Variants in TENM3 observed in about 807,000 individuals in gnomAD.
TENM3 encodes teneurin transmembrane protein 3.
TENM3 carries 63 observed loss-of-function variants against 255.1 expected under a neutral mutation model. The ratio of observed to expected loss-of-function variants is 0.25; its 90% CI spans 0.20 to 0.30. The LOEUF (loss-of-function observed/expected upper bound fraction) is 0.30, where lower values mean the gene tolerates loss of function less well. Among genes scored for constraint, TENM3 ranks in the 10% least tolerant of loss-of-function variants. The pLI, the probability that TENM3 is intolerant of heterozygous loss-of-function variation, is 1.00. For missense variants in TENM3, 2,929 were observed against 3,461.1 expected, an observed-to-expected ratio of 0.85 and a Z score of 3.86; for synonymous variants, 1,306 against 1,322.3, an observed-to-expected ratio of 0.99 and a Z score of 0.27.
chr4:181,749,503 G>A, the TENM3 span, among the ~76,000 whole-genome samples: 1 of 152,058 alleles, frequency 6.6e-6, no homozygotes, highest in East Asian at 1.9e-4. Flanking sequence ...ACTCATTTCT[G>A]CCCATTCAAA....
intron 3 of TENM3, among the ~76,000 whole-genome samples, chr4:182,388,578 C>T (rs1440971605): frequency 6.6e-6 from 1 of 152,156 alleles, no homozygotes; most frequent in African/African-American, 2.4e-5. Context: ...GTTCTCTCAC[C>T]AAGTCAAAAA....
chr4:181,834,330 TC>T, the TENM3 span, among the ~76,000 whole-genome samples: 1 of 152,182 alleles, frequency 6.6e-6, no homozygotes, highest in African/African-American at 2.4e-5. Flanking sequence ...TTCAACTAAA[TC>T]TGTAAGGAAG....
the TENM3 span, among the ~76,000 whole-genome samples, chr4:181,530,726 T>C: frequency 6.6e-3 from 1,011 of 152,332 alleles, 14 homozygotes; most frequent in African/African-American, 0.023. Flanking sequence ...TAATCTTTAA[T>C]GGATGTTGAT....
chr4:182,199,519 T>C (rs2149820785), intron 1 of TENM3, among the ~76,000 whole-genome samples: 1 of 152,240 alleles, frequency 6.6e-6, no homozygotes, highest in East Asian at 1.9e-4. Context: ...AAGATTAAAC[T>C]CGCCCAGATA....
At chr4:182,326,446 C>A (rs1390930523) in intron 2 of TENM3, among the ~76,000 whole-genome samples, 1 of 152,176 alleles carries the variant, frequency 6.6e-6, no homozygotes, top group Non-Finnish European at 1.5e-5. Context: ...CTTCTAATCT[C>A]TGTGCAGTTG....
At chr4:181,891,359 A>G in the TENM3 span, among the ~76,000 whole-genome samples, 2 of 152,192 alleles carry the variant, frequency 1.3e-5, no homozygotes, top group African/African-American at 4.8e-5. Flanking sequence ...AACCCAGTTA[A>G]TCTAATATTT....
At chr4:182,464,350 G>A (rs368054696) in intron 3 of TENM3, among the ~76,000 whole-genome samples, 4 of 152,038 alleles carry the variant, frequency 2.6e-5, no homozygotes, top group Non-Finnish European at 5.9e-5. Flanking sequence ...TCCGCCTCCC[G>A]GGTTCAAGTG....
intron 6 of TENM3, among the ~76,000 whole-genome samples, chr4:182,670,167 CT>C (rs1196157052): frequency 6.6e-6 from 1 of 152,048 alleles, no homozygotes; most frequent in Non-Finnish European, 1.5e-5. Flanking sequence ...TCTAATTTTG[CT>C]GAAATGAACA....
chr4:182,566,620 C>G (rs920471839), intron 3 of TENM3, among the ~76,000 whole-genome samples: 1 of 152,198 alleles, frequency 6.6e-6, no homozygotes, highest in Admixed American at 6.5e-5. Context: ...GTCAACTTGG[C>G]CAACAGCAGC....
chr4:182,390,178 C>A (rs902431873), intron 3 of TENM3, among the ~76,000 whole-genome samples: 1 of 152,076 alleles, frequency 6.6e-6, no homozygotes, highest in African/African-American at 2.4e-5. Context: ...TTCCTTAGTT[C>A]AGAGAGTTCT....
At chr4:181,993,167 G>A in the TENM3 span, among the ~76,000 whole-genome samples, 2 of 151,976 alleles carry the variant, frequency 1.3e-5, no homozygotes, top group Non-Finnish European at 1.5e-5. Flanking sequence ...TTATCTTCTC[G>A]GATTTTTAGA....
At chr4:181,466,631 TCATCGAGCTCCATATTAGAAAAA>T in the TENM3 span, among the ~76,000 whole-genome samples, 8 of 152,158 alleles carry the variant, frequency 5.3e-5, no homozygotes, top group Non-Finnish European at 1.2e-4. Context: ...TTAAAATCAC[TCATCGAGCTCCATATTAGAAAAA>T]CAAGCCCTCT....
At chr4:182,634,023 C>T (rs1469162704) in intron 5 of TENM3, among the ~76,000 whole-genome samples, 8 of 152,050 alleles carry the variant, frequency 5.3e-5, no homozygotes, top group Non-Finnish European at 8.8e-5. Context: ...AAGTGAGAAC[C>T]GAGATTGGTT....
At chr4:181,873,978 T>A in the TENM3 span, among the ~76,000 whole-genome samples, 1 of 152,132 alleles carries the variant, frequency 6.6e-6, no homozygotes, top group Non-Finnish European at 1.5e-5. Flanking sequence ...AGAGACAGGG[T>A]TTCACCATGT....
At chr4:182,587,683 T>G (rs1746179643) in intron 3 of TENM3, among the ~76,000 whole-genome samples, 1 of 152,142 alleles carries the variant, frequency 6.6e-6, no homozygotes, top group Non-Finnish European at 1.5e-5. Context: ...AGTTCTGGGA[T>G]TACTGATACG....
chr4:182,713,296 A>G (rs1356779151), intron 12 of TENM3, among the ~76,000 whole-genome samples: 2 of 152,286 alleles, frequency 1.3e-5, no homozygotes, highest in Non-Finnish European at 1.5e-5. Flanking sequence ...TGTGGTCCTT[A>G]TGGTATTTCA....
intron 1 of TENM3, among the ~76,000 whole-genome samples, chr4:182,186,985 TAGTGA>T: frequency 6.6e-6 from 1 of 150,860 alleles, no homozygotes; most frequent in Non-Finnish European, 1.5e-5. Flanking sequence ...CTTTTTTTAA[TAGTGA>T]AGTGATTGTA....
chr4:182,212,078 AT>A (rs1755080331), intron 1 of TENM3, among the ~76,000 whole-genome samples: 1 of 152,224 alleles, frequency 6.6e-6, no homozygotes, highest in Non-Finnish European at 1.5e-5. Context: ...ACTAGTCTGA[AT>A]ACATGGAATT....
chr4:181,556,589 G>A, the TENM3 span, among the ~76,000 whole-genome samples: 2 of 152,016 alleles, frequency 1.3e-5, no homozygotes, highest in Non-Finnish European at 2.9e-5. Context: ...AGTTTTTAAT[G>A]TGCATTCATA....
Sources: allele counts gnomAD v4.1 joint callset (sites outside exome capture counted in the v4.1 genomes callset), GRCh38; gene constraint gnomAD v4.1.1; transcripts MANE v1.5; gene names NCBI Gene and HGNC (gene_info 2026-07-23, HGNC 2026-07-21).